The following BCAS3 variants were observed in gnomAD, a reference collection of about 807,000 sequenced individuals.
The protein encoded by BCAS3 is BCAS3 microtubule associated cell migration factor.
A neutral mutation model predicts 116.1 loss-of-function variants in BCAS3; 53 were observed. That is an observed-to-expected ratio of 0.46 (90% CI 0.37 to 0.57). The LOEUF (loss-of-function observed/expected upper bound fraction) is 0.57, where lower values mean the gene tolerates loss of function less well. Among genes scored for constraint, BCAS3 ranks in the 20% least tolerant of loss-of-function variants. The pLI, the probability that BCAS3 is intolerant of heterozygous loss-of-function variation, is 0.00. For synonymous variants in BCAS3, 391 were observed against 408.2 expected, an observed-to-expected ratio of 0.96 and a Z score of 0.51; for missense variants, 917 against 1,165.4, an observed-to-expected ratio of 0.79 and a Z score of 3.10.
intron 15 of BCAS3, among the ~76,000 whole-genome samples, chr17:60,999,546 C>CAAAA (rs1021249439): frequency 4.8e-5 from 3 of 62,932 alleles, no homozygotes; most frequent in South Asian, 6.2e-4. Flanking sequence ...GACTGTGTCT[C>CAAAA]AAAAAAAAAA....
intron 15 of BCAS3, among the ~76,000 whole-genome samples, chr17:61,011,279 A>G (rs1219714339): frequency 1.3e-5 from 2 of 152,038 alleles, no homozygotes; most frequent in Non-Finnish European, 1.5e-5. Context: ...AAGAATAGCA[A>G]TAGACTTCAT....
In BCAS3 at chr17:61,344,531, G is replaced by T. The variant is rs73993465; in HGVS notation, c.2426-23796G>T. ...GGAGAGCAAAGTAGATGATATCTCTGCCCCCATGGGGCTTATATTCTAGAG... is the reference window on the plus strand; with the variant it reads ...GGAGAGCAAAGTAGATGATATCTCTTCCCCCATGGGGCTTATATTCTAGAG... On this transcript the variant is annotated intron_variant, in intron 22 of 23. Transcript: ENST00000407086. The surrounding 1 kb of genome is among the most constrained non-coding windows in gnomAD (Gnocchi z 4.1). Among the ~76,000 whole-genome samples the T allele has an allele frequency of 5.5e-3, 839 of 152,324 alleles. 10 individuals carry two copies. The highest frequency in any genetic ancestry group is 0.019 in the African/African-American group (809 of 41,574).
At chr17:60,688,112 T>G (rs1331804794) in intron 3 of BCAS3, 1 of 152,118 alleles carries the variant, frequency 6.6e-6, no homozygotes, top group Non-Finnish European at 1.5e-5. Context: ...GAAAGCCTGA[T>G]ACAGGAAAAA....
intron 22 of BCAS3, among the ~76,000 whole-genome samples, chr17:61,237,944 G>C (rs1246451068): frequency 1.3e-5 from 2 of 152,198 alleles, no homozygotes; most frequent in African/African-American, 4.8e-5. Context: ...ATGGTAAAGA[G>C]AATTGCTTTA....
chr17:60,689,014 T>C (rs890768173), intron 3 of BCAS3: 4 of 152,164 alleles, frequency 2.6e-5, no homozygotes, highest in African/African-American at 7.2e-5. Context: ...ACCAGTATAA[T>C]TGCCACAAAC....
At chr17:61,155,393 G>C (rs1035247521) in intron 22 of BCAS3, among the ~76,000 whole-genome samples, 1 of 150,624 alleles carries the variant, frequency 6.6e-6, no homozygotes, top group South Asian at 2.1e-4. Flanking sequence ...GTGATTTATT[G>C]TTTTATCAAC....
At chr17:60,932,610 C>T (rs1438898433) in intron 13 of BCAS3, among the ~76,000 whole-genome samples, 2 of 151,584 alleles carry the variant, frequency 1.3e-5, no homozygotes, top group African/African-American at 4.8e-5. Flanking sequence ...GGCGTGGTGG[C>T]GGGCACCTGT....
chr17:60,727,386 A>T lies in BCAS3; in HGVS notation c.321+18061A>T, dbSNP rs542564523. Reference sequence around the variant, plus strand: ...TCATAGCGCCTCTTTCCCTGGGCATACAAGGAATCCTTGCTCTTATACTGT... The same window carrying T: ...TCATAGCGCCTCTTTCCCTGGGCATTCAAGGAATCCTTGCTCTTATACTGT... On this transcript the variant is annotated intron_variant, in intron 5 of 23. Transcript: ENST00000407086. 53 of 1,592,400 alleles carry T rather than the reference A, an allele frequency of 3.3e-5. No individual in the cohort carries two copies. In the East Asian group the frequency reaches 1.1e-3, roughly 34 times the overall value.
chr17:61,362,594 C>T lies in BCAS3; in HGVS notation c.2426-5733C>T, dbSNP rs1267819704. The T allele has an allele frequency of 6.6e-6, 1 of 152,226 alleles. No individual in the cohort carries two copies. The highest frequency in any genetic ancestry group is 1.5e-5 in the Non-Finnish European group (1 of 68,060). The allele number at this position is 152,226 out of a possible 1,614,324, so 9.4% of individuals were successfully genotyped here. A position where few individuals can be genotyped will look rare whatever the true frequency, so the allele number is the denominator to read the frequency against. On this transcript the variant is annotated intron_variant, in intron 22 of 23. Transcript: ENST00000407086. The surrounding 1 kb of genome is among the most constrained non-coding windows in gnomAD (Gnocchi z 4.4). ...GCAAAGCACGTGTTCCCCCAGCCTC[C>T]CCAGGAGCTACCAGCTTGCCAGCTG...
At chr17:60,991,737 A>G (rs1455514612) in intron 15 of BCAS3, among the ~76,000 whole-genome samples, 4 of 152,178 alleles carry the variant, frequency 2.6e-5, no homozygotes, top group Non-Finnish European at 4.4e-5. Context: ...CCTCACTCCA[A>G]AAGGAAACCA....
chr17:60,787,619 G>A (rs971608265), intron 6 of BCAS3, among the ~76,000 whole-genome samples: 3 of 152,116 alleles, frequency 2.0e-5, no homozygotes, highest in African/African-American at 7.2e-5. Flanking sequence ...GTTAAGTGCT[G>A]TGAAGAAACA....
At chr17:61,238,551 C>T (rs796781100) in intron 22 of BCAS3, among the ~76,000 whole-genome samples, 4 of 152,090 alleles carry the variant, frequency 2.6e-5, no homozygotes, top group African/African-American at 9.6e-5. Context: ...CCAATTCCAT[C>T]ATAATGAGAT....
chr17:60,929,193 G>A (rs546684244), intron 13 of BCAS3, among the ~76,000 whole-genome samples: 6 of 152,234 alleles, frequency 3.9e-5, no homozygotes, highest in Admixed American at 3.3e-4. Context: ...GCTGAGATGG[G>A]GGGACCAACA....
chr17:61,067,324 G>C (rs1057049072), intron 19 of BCAS3, among the ~76,000 whole-genome samples: 3 of 87,804 alleles, frequency 3.4e-5, no homozygotes, highest in Admixed American at 1.2e-4. Context: ...TATTTATACA[G>C]ACTTGGCAGT....
intron 6 of BCAS3, among the ~76,000 whole-genome samples, chr17:60,755,196 A>G (rs1339286257): frequency 1.3e-5 from 2 of 152,212 alleles, no homozygotes; most frequent in East Asian, 1.9e-4. Flanking sequence ...TTCTCAGTTT[A>G]TACCTAGCTG....
rs747032404 is a variant in BCAS3 at position 61,032,559 on chromosome 17, A to G, written c.1638-2107A>G. ...AAGCCTTATATTCTCAGGTAATGCA[A>G]CAGAGAGCATCATAACCAGAAAGAA... On this transcript the variant is annotated intron_variant, in intron 16 of 23. Coordinates refer to ENST00000407086, the MANE Select transcript of BCAS3 (RefSeq NM_017679.5). This position sits in a 1 kb window ranked among gnomAD's most constrained non-coding sequence, Gnocchi z 4.6. Among the ~76,000 whole-genome samples, 86 of 152,272 alleles carry G rather than the reference A, an allele frequency of 5.6e-4. No individual in the cohort carries two copies. The highest frequency in any genetic ancestry group is 6.8e-3 in the Middle Eastern group (2 of 294).
intron 14 of BCAS3, among the ~76,000 whole-genome samples, chr17:60,971,522 C>T (rs1219730117): frequency 1.3e-5 from 2 of 152,104 alleles, no homozygotes; most frequent in Non-Finnish European, 2.9e-5. Flanking sequence ...CTGGTTGCTC[C>T]TTATTTCAAT....
At position 61,181,549 on chromosome 17, in the gene BCAS3, A is replaced by G. The variant is rs1318344988; in HGVS notation, c.2425+96985A>G. Among the ~76,000 whole-genome samples, 2 of 152,186 alleles carry G rather than the reference A, an allele frequency of 1.3e-5. No individual in the cohort carries two copies. Among genetic ancestry groups the G allele is most frequent in the African/African-American group, 4.8e-5 (2 of 41,450 alleles). Reference sequence around the variant, plus strand: ...ATCATTTCCCTTTGATAGTCTGGTCATTTCTTTTGTCTTTTGAAGAAAATA... The same window carrying G: ...ATCATTTCCCTTTGATAGTCTGGTCGTTTCTTTTGTCTTTTGAAGAAAATA... On this transcript the variant is annotated intron_variant, in intron 22 of 23. Transcript: ENST00000407086. This position sits in a 1 kb window ranked among gnomAD's most constrained non-coding sequence, Gnocchi z 5.0.
chr17:61,117,649 C>A (rs1016563939), intron 22 of BCAS3, among the ~76,000 whole-genome samples: 2 of 152,010 alleles, frequency 1.3e-5, no homozygotes, highest in African/African-American at 4.8e-5. Context: ...TTTTTTATAT[C>A]TTTTACTTGT....
Sources: gnomAD v4.1 joint callset for allele counts (sites outside exome capture counted in the v4.1 genomes callset) on GRCh38, gnomAD v4.1.1 for gene constraint, Gnocchi (gnomAD v3.1) non-coding constraint, MANE v1.5 for transcripts, NCBI Gene and HGNC (gene_info 2026-07-23, HGNC 2026-07-21) for gene names.